Variants in MAPK10 observed in about 807,000 individuals in gnomAD.
The protein encoded by MAPK10 is JNK3 alpha protein kinase.
In MAPK10, 25 loss-of-function variants were observed where a neutral mutation model predicts 59.3. The ratio of observed to expected loss-of-function variants is 0.42; its 90% confidence interval spans 0.31 to 0.59. The LOEUF (loss-of-function observed/expected upper bound fraction) is 0.59. MAPK10 is among the 20% of genes least tolerant of loss of function. The probability of loss-of-function intolerance (pLI) is 0.15; values close to 1 mark genes in which losing one functional copy is unlikely to be tolerated. For missense variants in MAPK10, 351 were observed against 568.9 expected (o/e 0.62, Z 3.90); for synonymous variants, 190 against 200.5 (o/e 0.95, Z 0.44).
intron 11 of MAPK10, among the ~76,000 whole-genome samples, chr4:86,059,518 T>C (rs951410806): frequency 2.0e-5 from 3 of 152,210 alleles, no homozygotes; most frequent in Admixed American, 6.5e-5. Context: ...TAACTGTTAC[T>C]CTGTTTCCCA....
At chr4:86,152,773 T>A (rs2066795684) in intron 4 of MAPK10, 1 of 152,110 alleles carries the variant, frequency 6.6e-6, no homozygotes, top group Non-Finnish European at 1.5e-5. Context: ...ATACCTACTA[T>A]CTTTTTTAAA....
rs1469869 is a variant in MAPK10 at position 86,068,874 on chromosome 4, C to A, written c.803-919G>T. Among the ~76,000 whole-genome samples, 6 of 151,986 alleles carry A rather than the reference C, an allele frequency of 3.9e-5. 1 individual carries two copies. In the South Asian group the frequency reaches 1.2e-3, roughly 31 times the overall value. ...GATAAACACCATCTACTCTGAAGAA[C>A]CAACTGGAAACAACTGATTTAAACA... On this transcript the variant is annotated intron_variant, in intron 9 of 13. Coordinates refer to ENST00000641462, the MANE Select transcript of MAPK10 (RefSeq NM_138982.4).
At chr4:86,579,699 T>C (rs1762133176) in intron 1 of MAPK10, among the ~76,000 whole-genome samples, 1 of 152,238 alleles carries the variant, frequency 6.6e-6, no homozygotes, top group Non-Finnish European at 1.5e-5. Flanking sequence ...AGAGATTATA[T>C]TTCCATTAAA....
At chr4:86,187,267 T>A (rs74345333) in intron 3 of MAPK10, among the ~76,000 whole-genome samples, 1 of 152,086 alleles carries the variant, frequency 6.6e-6, no homozygotes, top group Middle Eastern at 3.2e-3. Flanking sequence ...ATAACTAATA[T>A]AAAATAGAAC....
chr4:86,489,466 A>T lies in MAPK10; in HGVS notation c.-263+104444T>A, dbSNP rs892153113. On this transcript the variant is annotated intron_variant, in intron 1 of 4. Coordinates refer to the MAPK10 transcript ENST00000502302. The stretch of plus-strand genomic sequence containing the variant: ...CCTCAAAATCCTTGACTAAACTGAT[A>T]AACTAATATGAATTAGTGATGTAAT... Among the ~76,000 whole-genome samples, 48 of 152,296 alleles carry T rather than the reference A, an allele frequency of 3.2e-4. No homozygotes were observed. In the Middle Eastern group the frequency reaches 0.014, roughly 43 times the overall value.
intron 2 of MAPK10, among the ~76,000 whole-genome samples, chr4:86,307,103 C>A (rs1424699125): frequency 6.6e-6 from 1 of 152,160 alleles, no homozygotes; most frequent in East Asian, 1.9e-4. Flanking sequence ...AACTCAAAAT[C>A]TTCTTCTGAC....
chr4:86,581,409 G>A (rs981280979), intron 1 of MAPK10, among the ~76,000 whole-genome samples: 3 of 152,120 alleles, frequency 2.0e-5, no homozygotes, highest in Non-Finnish European at 2.9e-5. Context: ...TCTAAAGGTT[G>A]AAATTAGTAA....
At chr4:86,157,017 A>G (rs2067983703) in intron 4 of MAPK10, among the ~76,000 whole-genome samples, 1 of 152,044 alleles carries the variant, frequency 6.6e-6, no homozygotes, top group Non-Finnish European at 1.5e-5. Flanking sequence ...ATTTCACAGT[A>G]GCTTTTGTTT....
intron 2 of MAPK10, among the ~76,000 whole-genome samples, chr4:86,264,567 G>T (rs1346899133): frequency 6.6e-6 from 1 of 152,186 alleles, no homozygotes; most frequent in Non-Finnish European, 1.5e-5. Flanking sequence ...CCCCCACAAT[G>T]AAGTCTGAAG....
chr4:86,275,806 G>T (rs1302073665), intron 2 of MAPK10, among the ~76,000 whole-genome samples: 1 of 152,030 alleles, frequency 6.6e-6, no homozygotes, highest in Non-Finnish European at 1.5e-5. Flanking sequence ...AGCTTCCCAT[G>T]ATAAGGCTAA....
intron 4 of MAPK10, among the ~76,000 whole-genome samples, chr4:86,121,110 G>GT (rs2059167697): frequency 6.6e-6 from 1 of 152,184 alleles, no homozygotes; most frequent in Non-Finnish European, 1.5e-5. Context: ...TAAGAAGGCT[G>GT]TGCCTACATA....
intron 1 of MAPK10, among the ~76,000 whole-genome samples, chr4:86,395,094 A>C (rs1372297372): frequency 6.6e-6 from 1 of 152,160 alleles, no homozygotes. Context: ...ATGTCATTGC[A>C]GCCTTCAATA....
chr4:86,408,604 G>A (rs895573280), intron 1 of MAPK10, among the ~76,000 whole-genome samples: 7 of 152,194 alleles, frequency 4.6e-5, no homozygotes, highest in African/African-American at 1.7e-4. Flanking sequence ...TAATTGGCAT[G>A]AGATGGTATC....
intron 9 of MAPK10, among the ~76,000 whole-genome samples, chr4:86,093,742 T>G (rs1307405065): frequency 6.6e-6 from 1 of 151,832 alleles, no homozygotes; most frequent in African/African-American, 2.4e-5. Flanking sequence ...TTTTATTTCT[T>G]TACAACCTCA....
chr4:86,162,947 T>G (rs1358536741), intron 3 of MAPK10, among the ~76,000 whole-genome samples: 1 of 152,128 alleles, frequency 6.6e-6, no homozygotes, highest in Admixed American at 6.6e-5. Flanking sequence ...GAGATTTGGA[T>G]TCAAGCATCA....
intron 1 of MAPK10, among the ~76,000 whole-genome samples, chr4:86,531,357 G>T (rs1757839528): frequency 6.6e-6 from 1 of 152,200 alleles, no homozygotes; most frequent in African/African-American, 2.4e-5. Flanking sequence ...ACAATCAGAT[G>T]AATTAGTAAG....
Position 86,231,555 on chromosome 4 carries a change from C to T in MAPK10, c.-6-37148G>A, listed in dbSNP as rs753333825. Among the ~76,000 whole-genome samples the T allele has an allele frequency of 1.1e-4, 16 of 151,532 alleles. No homozygotes were observed. The East Asian group carries it at 1.4e-3, about 13-fold the overall frequency. On this transcript the variant is annotated intron_variant, in intron 2 of 13. Transcript: ENST00000641462. ...GCGGGCACCTGTAGTCCCAGCTACT[C>T]GAGAGGCTGAGACAGGAGAATCGCT...
intron 1 of MAPK10, among the ~76,000 whole-genome samples, chr4:86,553,941 T>C (rs1760061072): frequency 6.6e-6 from 1 of 151,916 alleles, no homozygotes; most frequent in African/African-American, 2.4e-5. Context: ...AGAGTCTTAT[T>C]ATGTTGCCCA....
intron 9 of MAPK10, among the ~76,000 whole-genome samples, chr4:86,088,820 C>T (rs1428495747): frequency 6.6e-6 from 1 of 152,136 alleles, no homozygotes; most frequent in Non-Finnish European, 1.5e-5. Flanking sequence ...GAATATTTCT[C>T]ATTATATCAA....
Sources: allele counts gnomAD v4.1 joint callset (sites outside exome capture counted in the v4.1 genomes callset), GRCh38; gene constraint gnomAD v4.1.1; transcripts MANE v1.5; gene names NCBI Gene and HGNC (gene_info 2026-07-23, HGNC 2026-07-21).